Variants in EEF2K observed in about 807,000 individuals in gnomAD.
EEF2K encodes eukaryotic elongation factor 2 kinase, also known as alternative protein EEF2K.
In EEF2K, 70 loss-of-function variants were observed where a neutral mutation model predicts 93.8. The observed-to-expected ratio is 0.75, with a 90% CI of 0.62 to 0.91. The LOEUF is 0.91. Among genes scored for constraint, EEF2K ranks in the 40% least tolerant of loss-of-function variants. The pLI, the probability that EEF2K is intolerant of heterozygous loss-of-function variation, is 0.00. For missense variants in EEF2K, 935 were observed against 972.9 expected (o/e 0.96, Z 0.52); for synonymous variants, 376 against 380.8 (o/e 0.99, Z 0.15).
chr16:22,216,827 A>G (rs941537952), intron 1 of EEF2K, among the ~76,000 whole-genome samples: 3 of 152,070 alleles, frequency 2.0e-5, no homozygotes, highest in Non-Finnish European at 4.4e-5. Flanking sequence ...CTCATTTATC[A>G]TACCTGGAAA....
chr16:22,241,636 C>CAA (rs71151666), intron 2 of EEF2K, among the ~76,000 whole-genome samples: 671 of 49,164 alleles, frequency 0.014, 61 homozygotes, highest in African/African-American at 0.052. Flanking sequence ...GAGACTGTCT[C>CAA]AAAAAAAAAA....
At chr16:22,269,955 CTTTTTTTTT>C (rs60467730) in intron 15 of EEF2K, among the ~76,000 whole-genome samples, 1 of 141,798 alleles carries the variant, frequency 7.1e-6, no homozygotes, top group Non-Finnish European at 1.6e-5. Context: ...CTTCCTGATT[CTTTTTTTTT>C]TTTTTTAATT....
At chr16:22,276,095 C>T (rs1190680899) in intron 16 of EEF2K, among the ~76,000 whole-genome samples, 1 of 152,070 alleles carries the variant, frequency 6.6e-6, no homozygotes, top group Non-Finnish European at 1.5e-5. Flanking sequence ...TAGGCATGTG[C>T]CACCCTACCT....
At chr16:22,243,249 T>G (rs1328850259) in intron 2 of EEF2K, among the ~76,000 whole-genome samples, 2 of 59,858 alleles carry the variant, frequency 3.3e-5, no homozygotes, top group Non-Finnish European at 6.1e-5. Flanking sequence ...TGCAGCCTAT[T>G]TTTTTTTTTT....
At chr16:22,208,415 C>T (rs868359776) in intron 1 of EEF2K, among the ~76,000 whole-genome samples, 20 of 152,154 alleles carry the variant, frequency 1.3e-4, no homozygotes, top group South Asian at 4.2e-4. Context: ...CCCAGCTACT[C>T]GGGAGGCTGA....
intron 16 of EEF2K, 22 bp from the exon 17 acceptor site, chr16:22,280,176 T>G: frequency 6.9e-7 from 1 of 1,447,296 alleles, no homozygotes; most frequent in East Asian, 2.7e-5. Flanking sequence ...CCTCCACCTT[T>G]CCCTCTGTAT....
chr16:22,225,271 G>C (rs746929480), intron 1 of EEF2K, among the ~76,000 whole-genome samples: 1 of 152,126 alleles, frequency 6.6e-6, no homozygotes. Flanking sequence ...CTAGATGAAC[G>C]CAGCTCTTGC....
Position 22,257,273 on chromosome 16 carries a change from T to C in EEF2K, c.789T>C (p.Phe263=), listed in dbSNP as rs756977496. Residue 263 remains phenylalanine (F), a synonymous_variant, in exon 8 of 18, where the codon TTT becomes TTC. Coordinates refer to ENST00000263026, the MANE Select transcript of EEF2K (RefSeq NM_013302.5). ...LTPQAFSHFT[F]ERSGHQLIVV... Reference sequence around the variant, plus strand: ...TGTAGGCCTTCAGCCACTTCACTTTTGAGCGTTCCGGCCATCAGCTGATAG... The same window carrying C: ...TGTAGGCCTTCAGCCACTTCACTTTCGAGCGTTCCGGCCATCAGCTGATAG... The C allele has an allele frequency of 6.2e-7, 1 of 1,614,058 alleles. No individual in the cohort carries two copies. The highest frequency in any genetic ancestry group is 8.5e-7 in the Non-Finnish European group (1 of 1,179,958).
chr16:22,266,723 G>T lies in EEF2K; in HGVS notation c.1611G>T (p.Gly537=). Residue 537 remains glycine (G), a synonymous_variant, in exon 15 of 18, where the codon GGG becomes GGT. Transcript: ENST00000263026. Reference sequence around the variant, plus strand: ...CCATGGTGCGCTACCACGAGGGTGGGCGCTTCTGCGAGAAGGGCGAGGAGT... The same window carrying T: ...CCATGGTGCGCTACCACGAGGGTGGTCGCTTCTGCGAGAAGGGCGAGGAGT... ...HLAMVRYHEG[G]RFCEKGEEWD... 2 of 1,613,682 alleles carry T rather than the reference G, an allele frequency of 1.2e-6. No homozygotes were observed.
At chr16:22,267,887 C>T (rs889808505) in intron 15 of EEF2K, among the ~76,000 whole-genome samples, 2 of 152,190 alleles carry the variant, frequency 1.3e-5, no homozygotes, top group Admixed American at 1.3e-4. Flanking sequence ...TCTGGCAAGG[C>T]CCAGGCAAAG....
At chr16:22,252,040 C>A (rs554149905) in intron 6 of EEF2K, among the ~76,000 whole-genome samples, 32 of 151,234 alleles carry the variant, frequency 2.1e-4, no homozygotes, top group Admixed American at 1.7e-3. Context: ...GCAATCCATC[C>A]ACCTCGGCCT....
At chr16:22,256,139 C>T (rs62044774) in intron 6 of EEF2K, among the ~76,000 whole-genome samples, 20,074 of 151,830 alleles carry the variant, frequency 0.13, 1,742 homozygotes, top group East Asian at 0.51. Flanking sequence ...TCTTGTTGCT[C>T]AGGGCTGGAG....
rs2046862070 is a variant in EEF2K at position 22,206,403 on chromosome 16, C to T, written c.-353C>T. On this transcript the variant is annotated 5_prime_UTR_variant, in exon 1 of 18. Coordinates refer to ENST00000263026, the MANE Select transcript of EEF2K (RefSeq NM_013302.5). ...TCGCCTGCACGCGAGTCCCCCCTGG[C>T]ACGCGCTCCCACATCCCGGGATCGT... The T allele has an allele frequency of 6.5e-6, 1 of 152,856 alleles. No individual in the cohort carries two copies. The highest frequency in any genetic ancestry group is 1.5e-5 in the Non-Finnish European group (1 of 68,588). 9.5% of individuals were successfully genotyped at this position (152,856 alleles called of 1,614,324 possible). A position where few individuals can be genotyped will look rare whatever the true frequency, so the allele number is the denominator to read the frequency against.
At chr16:22,207,209 C>T (rs1028168952) in intron 1 of EEF2K, among the ~76,000 whole-genome samples, 1 of 152,174 alleles carries the variant, frequency 6.6e-6, no homozygotes, top group Non-Finnish European at 1.5e-5. Flanking sequence ...AAGCCGGTGG[C>T]CGCGCGGGGG....
chr16:22,230,621 A>C (rs1192458327), intron 2 of EEF2K, among the ~76,000 whole-genome samples: 1 of 152,122 alleles, frequency 6.6e-6, no homozygotes, highest in Non-Finnish European at 1.5e-5. Flanking sequence ...TCCTGAGCTC[A>C]AGCAATCCTC....
rs149647053 is a variant in EEF2K, at chr16:22,282,691, A to G, written c.2069-1196A>G. On this transcript the variant is annotated intron_variant, in intron 17 of 17. Transcript: ENST00000263026. ...ATGATACAGCACCAAGGCCTGTGCC[A>G]GATGCTGGTGCTATGCTCTTGGACT... Among the ~76,000 whole-genome samples the G allele has an allele frequency of 1.2e-4, 18 of 152,338 alleles. No individual in the cohort carries two copies. In the East Asian group the frequency reaches 3.1e-3, roughly 26 times the overall value.
chr16:22,276,288 C>T (rs2047634371), intron 16 of EEF2K, among the ~76,000 whole-genome samples: 1 of 151,944 alleles, frequency 6.6e-6, no homozygotes, highest in Non-Finnish European at 1.5e-5. Context: ...GATATGTCTA[C>T]CATAGATAGA....
chr16:22,237,131 G>C (rs911922591), intron 2 of EEF2K, among the ~76,000 whole-genome samples: 3 of 150,982 alleles, frequency 2.0e-5, no homozygotes, highest in African/African-American at 7.3e-5. Flanking sequence ...TTTTTGTAGA[G>C]AGGGGGTTTC....
intron 2 of EEF2K, among the ~76,000 whole-genome samples, chr16:22,242,761 C>T (rs2047236813): frequency 6.6e-6 from 1 of 152,094 alleles, no homozygotes; most frequent in Admixed American, 6.6e-5. Flanking sequence ...TCCTGCATCC[C>T]ACAAGATCTT....
Sources: gnomAD v4.1 joint callset for allele counts (sites outside exome capture counted in the v4.1 genomes callset) on GRCh38, gnomAD v4.1.1 for gene constraint, MANE v1.5 for transcripts, NCBI Gene and HGNC (gene_info 2026-07-23, HGNC 2026-07-21) for gene names.